DPP10: variants seen among roughly 807,000 people sequenced by gnomAD.
The protein encoded by DPP10 is dipeptidyl peptidase like 10.
Under a neutral mutation model 120.9 loss-of-function variants are expected in DPP10, and 33 were observed. The observed-to-expected ratio is 0.27, with a 90% CI of 0.21 to 0.37. DPP10 has a LOEUF of 0.37. Among genes scored for constraint, DPP10 ranks in the 10% least tolerant of loss-of-function variants. The pLI is 1.00. For synonymous variants in DPP10, 337 were observed against 326.1 expected (o/e 1.03, Z -0.36); for missense variants, 816 against 942.8 (o/e 0.87, Z 1.76).
chr2:114,685,045 A>G (rs769271103), intron 1 of DPP10, among the ~76,000 whole-genome samples: 1 of 152,022 alleles, frequency 6.6e-6, no homozygotes, highest in Non-Finnish European at 1.5e-5. Context: ...TTGTTTGTAC[A>G]TGAACTTTCT....
chr2:114,783,221 G>A (rs186637037), intron 1 of DPP10, among the ~76,000 whole-genome samples: 155 of 152,148 alleles, frequency 1.0e-3, no homozygotes, highest in African/African-American at 3.5e-3. Flanking sequence ...GCATCAAAGC[G>A]AAAATAGTGT....
At chr2:115,024,357 T>A (rs1433923108) in intron 1 of DPP10, among the ~76,000 whole-genome samples, 2 of 152,086 alleles carry the variant, frequency 1.3e-5, no homozygotes, top group Non-Finnish European at 2.9e-5. Context: ...GTCCCATTCT[T>A]TTCTTTGTTC....
At chr2:114,558,153 G>T (rs1277458256) in intron 1 of DPP10, among the ~76,000 whole-genome samples, 1 of 152,190 alleles carries the variant, frequency 6.6e-6, no homozygotes, top group East Asian at 1.9e-4. Flanking sequence ...CTCCAGAAGT[G>T]ATAGCTGATA....
intron 1 of DPP10, among the ~76,000 whole-genome samples, chr2:115,263,319 C>T (rs536647437): frequency 1.3e-5 from 2 of 152,182 alleles, no homozygotes; most frequent in African/African-American, 4.8e-5. Flanking sequence ...ATCTCTGGTT[C>T]TCCAGAAGCC....
intron 5 of DPP10, chr2:115,526,438 G>A (rs1015859888): frequency 6.6e-6 from 1 of 152,392 alleles, no homozygotes; most frequent in Non-Finnish European, 1.5e-5. Context: ...GTCAGCTTGG[G>A]GTTGTAGAAA....
chr2:115,677,290 A>G (rs1264470793), intron 5 of DPP10, among the ~76,000 whole-genome samples: 3 of 152,216 alleles, frequency 2.0e-5, no homozygotes, highest in Admixed American at 1.3e-4. Context: ...TGAGAAATAA[A>G]ACAGAATCAA....
intron 1 of DPP10, among the ~76,000 whole-genome samples, chr2:114,931,304 A>T (rs1396889121): frequency 3.3e-5 from 5 of 152,092 alleles, no homozygotes; most frequent in African/African-American, 1.2e-4. Context: ...CAAGAAGCAC[A>T]GCACTAGCAT....
chr2:115,669,461 CT>C (rs1208813090), intron 5 of DPP10, among the ~76,000 whole-genome samples: 1 of 152,164 alleles, frequency 6.6e-6, no homozygotes, highest in African/African-American at 2.4e-5. Flanking sequence ...GATTTAAATA[CT>C]TTCCCAAAAT....
At chr2:115,309,151 G>A (rs1408913433) in intron 1 of DPP10, 88 bp from the exon 2 acceptor site, 1 of 976,326 alleles carries the variant, frequency 1.0e-6, no homozygotes, top group East Asian at 2.6e-5. Flanking sequence ...TTCAAACTGT[G>A]ATTGTGCCAT....
intron 5 of DPP10, among the ~76,000 whole-genome samples, chr2:115,647,579 TGA>T (rs1558974975): frequency 6.6e-6 from 1 of 152,158 alleles, no homozygotes; most frequent in Non-Finnish European, 1.5e-5. Flanking sequence ...GTAACATGAC[TGA>T]GGGTACATCT....
intron 13 of DPP10, among the ~76,000 whole-genome samples, chr2:115,774,209 T>TACAC (rs3069387): frequency 0.083 from 12,183 of 147,538 alleles, 513 homozygotes; most frequent in South Asian, 0.1. Context: ...AAAACACACA[T>TACAC]ACACACACAC....
chr2:115,069,987 G>A (rs1322061084), intron 1 of DPP10, among the ~76,000 whole-genome samples: 2 of 151,972 alleles, frequency 1.3e-5, no homozygotes, highest in Non-Finnish European at 2.9e-5. Context: ...TTGTGTGTAT[G>A]TTTATATAGT....
intron 5 of DPP10, among the ~76,000 whole-genome samples, chr2:115,602,025 T>C (rs1204101766): frequency 6.6e-6 from 1 of 152,190 alleles, no homozygotes. Context: ...AAAATTTCTG[T>C]TTCTTTAATT....
chr2:115,061,019 T>C (rs1300412165), intron 1 of DPP10, among the ~76,000 whole-genome samples: 1 of 152,230 alleles, frequency 6.6e-6, no homozygotes, highest in Non-Finnish European at 1.5e-5. Flanking sequence ...CTAACTCCCC[T>C]TTAAACAATT....
chr2:114,921,813 T>C (rs767007438), intron 1 of DPP10, among the ~76,000 whole-genome samples: 1 of 152,230 alleles, frequency 6.6e-6, no homozygotes, highest in Non-Finnish European at 1.5e-5. Flanking sequence ...CTCACATTAC[T>C]AGACATTCAA....
chr2:114,531,266 G>GT (rs1685956243), intron 1 of DPP10, among the ~76,000 whole-genome samples: 1 of 151,968 alleles, frequency 6.6e-6, no homozygotes, highest in Admixed American at 6.6e-5. Context: ...CCTTCAAATA[G>GT]GACTTGAGTC....
At chr2:114,728,458 C>T (rs1558678123) in intron 1 of DPP10, among the ~76,000 whole-genome samples, 1 of 152,148 alleles carries the variant, frequency 6.6e-6, no homozygotes, top group African/African-American at 2.4e-5. Flanking sequence ...CTCTCCCACC[C>T]TCTGGTTAAA....
chr2:115,389,399 A>C (rs966332939), intron 3 of DPP10, among the ~76,000 whole-genome samples: 2 of 152,114 alleles, frequency 1.3e-5, no homozygotes, highest in African/African-American at 4.8e-5. Flanking sequence ...ATAAAAGTTA[A>C]TTATTACTTG....
intron 8 of DPP10, among the ~76,000 whole-genome samples, chr2:115,733,451 T>C (rs189468262): frequency 1.2e-4 from 19 of 152,220 alleles, no homozygotes; most frequent in African/African-American, 3.6e-4. Context: ...AGATCATCGA[T>C]GGCCTTGACA....
Sources: gnomAD v4.1 joint callset for allele counts (sites outside exome capture counted in the v4.1 genomes callset) on GRCh38, gnomAD v4.1.1 for gene constraint, MANE v1.5 for transcripts, NCBI Gene and HGNC (gene_info 2026-07-23, HGNC 2026-07-21) for gene names.